Variants in DISC1 observed in about 807,000 individuals in gnomAD.
DISC1 encodes disrupted in schizophrenia 1 protein.
DISC1 carries 57 observed loss-of-function variants against 84.5 expected under a neutral mutation model. That is an observed-to-expected ratio of 0.67 (90% CI 0.55 to 0.84). The LOEUF (loss-of-function observed/expected upper bound fraction) is 0.84. DISC1 is among the 40% of genes least tolerant of loss of function. DISC1 has a pLI of 0.00. For missense variants in DISC1, 1,000 were observed against 1,057.8 expected (o/e 0.95, Z 0.76); for synonymous variants, 411 against 415.2 (o/e 0.99, Z 0.12).
intron 9 of DISC1, among the ~76,000 whole-genome samples, chr1:231,851,691 A>G (rs2083908664): frequency 6.6e-6 from 1 of 152,146 alleles, no homozygotes; most frequent in South Asian, 2.1e-4. Context: ...TCTCACATGT[A>G]AGGGCCATGA....
At chr1:231,906,884 A>G (rs1252957597) in intron 9 of DISC1, among the ~76,000 whole-genome samples, 1 of 152,170 alleles carries the variant, frequency 6.6e-6, no homozygotes, top group African/African-American at 2.4e-5. Flanking sequence ...CAATCCCATG[A>G]GTGAATAACT....
chr1:232,002,761 G>A (rs1361877829), intron 10 of DISC1, among the ~76,000 whole-genome samples: 2 of 152,284 alleles, frequency 1.3e-5, no homozygotes, highest in East Asian at 1.9e-4. Context: ...GGGGAGGCAT[G>A]GGACGTAGGC....
At chr1:232,023,427 A>G (rs971518439) in intron 11 of DISC1, among the ~76,000 whole-genome samples, 2 of 151,644 alleles carry the variant, frequency 1.3e-5, no homozygotes, top group Admixed American at 1.3e-4. Flanking sequence ...CATGCTTATT[A>G]CAAGGGCTTA....
At chr1:231,685,672 C>T (rs6666698) in intron 1 of DISC1, among the ~76,000 whole-genome samples, 10,500 of 152,044 alleles carry the variant, frequency 0.069, 1,196 homozygotes, top group African/African-American at 0.24. Context: ...AGGCTGGTCT[C>T]GAACTCCTGA....
intron 9 of DISC1, among the ~76,000 whole-genome samples, chr1:231,898,494 CAAG>C (rs1254115939): frequency 6.6e-6 from 1 of 152,080 alleles, no homozygotes; most frequent in African/African-American, 2.4e-5. Context: ...AATGGGATGA[CAAG>C]AGGAGAAAAA....
chr1:231,970,744 G>A (rs573805190), intron 10 of DISC1, among the ~76,000 whole-genome samples: 19 of 152,268 alleles, frequency 1.2e-4, no homozygotes, highest in Admixed American at 7.8e-4. Context: ...TGTGGTTTGC[G>A]CAATTCAACC....
At chr1:231,919,340 C>G (rs1401981269) in intron 9 of DISC1, among the ~76,000 whole-genome samples, 2 of 152,178 alleles carry the variant, frequency 1.3e-5, no homozygotes, top group East Asian at 3.8e-4. Flanking sequence ...TAGTCAAAAA[C>G]AGGTTTAAGA....
intron 8 of DISC1, among the ~76,000 whole-genome samples, chr1:231,817,876 T>C (rs1215198143): frequency 6.6e-6 from 1 of 152,224 alleles, no homozygotes; most frequent in African/African-American, 2.4e-5. Flanking sequence ...GCTAATTTTC[T>C]TGCTCCAGGT....
chr1:232,008,486 AAC>A (rs147400871), intron 10 of DISC1, among the ~76,000 whole-genome samples: 7,804 of 152,250 alleles, frequency 0.051, 354 homozygotes, highest in African/African-American at 0.12. Flanking sequence ...TAGGGCTGGT[AAC>A]ACATATATGA....
chr1:231,886,592 C>T (rs779914443), intron 9 of DISC1, among the ~76,000 whole-genome samples: 2 of 152,130 alleles, frequency 1.3e-5, no homozygotes, highest in African/African-American at 2.4e-5. Flanking sequence ...TGTGCTTCTT[C>T]TTAAGGTTTT....
At chr1:231,881,675 C>G (rs2086300550) in intron 9 of DISC1, among the ~76,000 whole-genome samples, 1 of 152,198 alleles carries the variant, frequency 6.6e-6, no homozygotes, top group African/African-American at 2.4e-5. Flanking sequence ...AGCACTTCCT[C>G]TTCCTTCACC....
At chr1:231,853,288 A>G (rs919936035) in intron 9 of DISC1, among the ~76,000 whole-genome samples, 9 of 152,336 alleles carry the variant, frequency 5.9e-5, no homozygotes, top group African/African-American at 2.2e-4. Context: ...GTTATGAGAA[A>G]TGCATCGTTA....
At chr1:231,692,013 C>T (rs201519889) in intron 1 of DISC1, among the ~76,000 whole-genome samples, 28 of 152,152 alleles carry the variant, frequency 1.8e-4, no homozygotes, top group Non-Finnish European at 3.4e-4. Context: ...TGTCATTTTA[C>T]GCATTTTACG....
At chr1:231,672,530 TG>T (rs2062726810) in intron 1 of DISC1, among the ~76,000 whole-genome samples, 1 of 152,228 alleles carries the variant, frequency 6.6e-6, no homozygotes, top group Admixed American at 6.5e-5. Flanking sequence ...TTTCTTGTCC[TG>T]CTCCATTTGT....
chr1:231,776,102 C>T (rs993372574), intron 6 of DISC1, among the ~76,000 whole-genome samples: 1 of 152,168 alleles, frequency 6.6e-6, no homozygotes, highest in Non-Finnish European at 1.5e-5. Flanking sequence ...AGCTCAGCCT[C>T]CCCTGGCTTC....
intron 2 of DISC1, among the ~76,000 whole-genome samples, chr1:231,696,071 T>C (rs1300345635): frequency 6.6e-6 from 1 of 152,180 alleles, no homozygotes; most frequent in Non-Finnish European, 1.5e-5. Flanking sequence ...ATTGGTTGAT[T>C]TGAATGCATA....
In DISC1 at chr1:231,750,083, AC is replaced by A; in HGVS notation, c.1268+8del. On this transcript the variant is annotated splice_region_variant and intron_variant, in intron 4 of 12. Coordinates refer to ENST00000439617, the MANE Select transcript of DISC1 (RefSeq NM_018662.3). ...GCCGTGGGGCCACTCAGCAGTGAGT[AC>A]TTGTTATTGTCACCATTTTCCCCTC... The A allele has an allele frequency of 6.2e-7, 1 of 1,610,954 alleles. No homozygotes were observed. Among genetic ancestry groups the A allele is most frequent in the Non-Finnish European group, 8.5e-7 (1 of 1,178,296 alleles).
At chr1:231,946,944 A>G (rs1035952063) in intron 9 of DISC1, among the ~76,000 whole-genome samples, 10 of 152,222 alleles carry the variant, frequency 6.6e-5, no homozygotes, top group African/African-American at 2.4e-4. Flanking sequence ...CCACTGCTCA[A>G]GGAAATAAGA....
chr1:231,924,387 C>T (rs1488416904), intron 9 of DISC1, among the ~76,000 whole-genome samples: 6 of 152,106 alleles, frequency 3.9e-5, no homozygotes, highest in African/African-American at 7.2e-5. Flanking sequence ...AAAGAAGGCA[C>T]ATATGAGTGC....
Sources: allele counts gnomAD v4.1 joint callset (sites outside exome capture counted in the v4.1 genomes callset), GRCh38; gene constraint gnomAD v4.1.1; transcripts MANE v1.5; gene names NCBI Gene and HGNC (gene_info 2026-07-23, HGNC 2026-07-21).